The following EXOC4 variants were observed in gnomAD, a reference collection of about 807,000 sequenced individuals.
EXOC4 encodes the protein exocyst complex component 4.
EXOC4 carries 71 observed loss-of-function variants against 107.2 expected under a neutral mutation model. The observed-to-expected ratio is 0.66, with a 90% CI of 0.55 to 0.81. The LOEUF is 0.81. Ranked by LOEUF, EXOC4 falls within the 30% of genes least tolerant of loss-of-function variation. The pLI, the probability that EXOC4 is intolerant of heterozygous loss-of-function variation, is 0.00. For synonymous variants in EXOC4, 456 were observed against 441.2 expected (o/e 1.03, Z -0.42); for missense variants, 1,108 against 1,189.6 (o/e 0.93, Z 1.01).
intron 7 of EXOC4, among the ~76,000 whole-genome samples, chr7:133,415,864 CAT>C (rs1282496113): frequency 3.9e-5 from 6 of 152,166 alleles, no homozygotes; most frequent in African/African-American, 1.4e-4. Context: ...ACAATTAAAA[CAT>C]AATACAAGTT....
At chr7:134,061,128 T>C (rs1796047197) in intron 17 of EXOC4, among the ~76,000 whole-genome samples, 1 of 152,190 alleles carries the variant, frequency 6.6e-6, no homozygotes, top group Admixed American at 6.5e-5. Context: ...GTTTTGTTGT[T>C]TGCTCCCAGC....
intron 10 of EXOC4, among the ~76,000 whole-genome samples, chr7:133,758,829 C>T (rs1157075229): frequency 6.6e-6 from 1 of 152,148 alleles, no homozygotes; most frequent in Non-Finnish European, 1.5e-5. Flanking sequence ...CTTCCCCCTG[C>T]CCCCCAGAGA....
At chr7:133,707,251 G>C (rs558311110) in intron 10 of EXOC4, among the ~76,000 whole-genome samples, 1 of 152,232 alleles carries the variant, frequency 6.6e-6, no homozygotes, top group East Asian at 1.9e-4. Flanking sequence ...AAATGTGGTG[G>C]TGCATGTCTA....
intron 12 of EXOC4, among the ~76,000 whole-genome samples, chr7:133,902,033 T>A (rs183790173): frequency 5.3e-5 from 8 of 152,362 alleles, no homozygotes; most frequent in African/African-American, 1.7e-4. Flanking sequence ...AAGGATCATG[T>A]GACCTATTCT....
At chr7:133,905,460 CACTTGGCCCATG>C (rs925509554) in intron 12 of EXOC4, among the ~76,000 whole-genome samples, 33 of 152,140 alleles carry the variant, frequency 2.2e-4, no homozygotes, top group African/African-American at 8.0e-4. Flanking sequence ...AGGAATCAGG[CACTTGGCCCATG>C]AGTTGCCTAC....
chr7:133,315,761 T>C (rs770647948), intron 4 of EXOC4, among the ~76,000 whole-genome samples: 31 of 152,190 alleles, frequency 2.0e-4, no homozygotes, highest in Non-Finnish European at 4.0e-4. Flanking sequence ...GTAAATGCTT[T>C]CTGTTACTTT....
chr7:133,331,524 G>A (rs908902813), intron 5 of EXOC4, among the ~76,000 whole-genome samples: 1 of 134,904 alleles, frequency 7.4e-6, no homozygotes, highest in Non-Finnish European at 1.5e-5. Context: ...GAGTGCAGTG[G>A]CGCAATCTCG....
At chr7:133,955,375 G>A (rs538619410) in intron 14 of EXOC4, among the ~76,000 whole-genome samples, 55 of 152,160 alleles carry the variant, frequency 3.6e-4, no homozygotes, top group South Asian at 1.7e-3. Context: ...TGGTTGTCCC[G>A]TCAAGTGTTC....
chr7:133,908,298 A>G (rs553732019), intron 12 of EXOC4, among the ~76,000 whole-genome samples: 1 of 152,374 alleles, frequency 6.6e-6, no homozygotes, highest in South Asian at 2.1e-4. Flanking sequence ...GTTGAATTAG[A>G]TTCTCTGCCT....
intron 10 of EXOC4, among the ~76,000 whole-genome samples, chr7:133,726,274 A>G (rs1795213190): frequency 6.6e-6 from 1 of 152,240 alleles, no homozygotes; most frequent in South Asian, 2.1e-4. Context: ...AGACTGCAGA[A>G]GGGTGAAAGA....
chr7:133,462,629 G>C (rs1798620762), intron 7 of EXOC4, among the ~76,000 whole-genome samples: 1 of 152,098 alleles, frequency 6.6e-6, no homozygotes, highest in Admixed American at 6.5e-5. Context: ...ATCCATTAAA[G>C]TCTACTTAGA....
At chr7:133,587,341 C>A (rs774124202) in intron 9 of EXOC4, among the ~76,000 whole-genome samples, 1 of 152,150 alleles carries the variant, frequency 6.6e-6, no homozygotes, top group Non-Finnish European at 1.5e-5. Context: ...ATAAAGACTA[C>A]CTGCCTCTAC....
intron 1 of EXOC4, among the ~76,000 whole-genome samples, chr7:133,269,676 A>G (rs764204126): frequency 6.6e-6 from 1 of 152,148 alleles, no homozygotes; most frequent in Non-Finnish European, 1.5e-5. Context: ...TGTCAAAGGG[A>G]TCTTGGATAA....
Position 133,646,491 on chromosome 7 carries a change from C to T in EXOC4, c.1514+16350C>T, listed in dbSNP as rs1373752554. On this transcript the variant is annotated intron_variant, in intron 10 of 17. Coordinates refer to ENST00000253861, the MANE Select transcript of EXOC4 (RefSeq NM_021807.4). ...TGAAAGTGTAAGCTTTTTCAAATGG[C>T]CTTGATATTTCTAAAATTTCTGTTT... Among the ~76,000 whole-genome samples the T allele has an allele frequency of 2.0e-5, 3 of 151,770 alleles. No individual in the cohort carries two copies. The East Asian group carries it at 5.8e-4, about 29-fold the overall frequency.
chr7:133,555,965 T>C (rs1443777482), intron 9 of EXOC4, among the ~76,000 whole-genome samples: 4 of 152,194 alleles, frequency 2.6e-5, no homozygotes, highest in Non-Finnish European at 5.9e-5. Context: ...GTTGTTGCAG[T>C]GCAGCTTGGT....
chr7:134,045,378 T>A (rs1181547006), intron 17 of EXOC4, among the ~76,000 whole-genome samples: 1 of 152,212 alleles, frequency 6.6e-6, no homozygotes, highest in African/African-American at 2.4e-5. Context: ...CCCTGAGACA[T>A]GACTTTAATA....
chr7:133,578,445 G>A (rs919560019), intron 9 of EXOC4, among the ~76,000 whole-genome samples: 3 of 152,154 alleles, frequency 2.0e-5, no homozygotes, highest in South Asian at 2.1e-4. Flanking sequence ...ATGAGTGATC[G>A]TAGAATTTCC....
intron 10 of EXOC4, among the ~76,000 whole-genome samples, chr7:133,657,527 T>C (rs1436452024): frequency 1.3e-5 from 2 of 152,188 alleles, no homozygotes; most frequent in African/African-American, 4.8e-5. Flanking sequence ...TTGTAAGTGG[T>C]GTGCGTGCTT....
chr7:133,288,880 A>G (rs1202683496), intron 2 of EXOC4, 42 bp from the exon 3 acceptor site: 2 of 1,574,008 alleles, frequency 1.3e-6, no homozygotes. Context: ...TTAGACTGGC[A>G]AGACTTTGGA....
Sources: allele counts gnomAD v4.1 joint callset (sites outside exome capture counted in the v4.1 genomes callset), GRCh38; gene constraint gnomAD v4.1.1; transcripts MANE v1.5; gene names NCBI Gene and HGNC (gene_info 2026-07-23, HGNC 2026-07-21).